Variants in LRP11 observed in about 807,000 individuals in gnomAD.
The protein encoded by LRP11 is low-density lipoprotein receptor-related protein 11.
In LRP11, 25 loss-of-function variants were observed where a neutral mutation model predicts 43.1. That is an observed-to-expected ratio of 0.58 (90% CI 0.42 to 0.81). The LOEUF (loss-of-function observed/expected upper bound fraction) is 0.81, where lower values mean the gene tolerates loss of function less well. LRP11 is among the 30% of genes least tolerant of loss of function. LRP11 has a pLI of 0.00. For synonymous variants in LRP11, 316 were observed against 299.4 expected (o/e 1.06, Z -0.57); for missense variants, 623 against 665.1 (o/e 0.94, Z 0.70).
intron 1 of LRP11, among the ~76,000 whole-genome samples, chr6:149,859,486 C>G (rs1231216641): frequency 1.4e-5 from 2 of 148,140 alleles, no homozygotes; most frequent in East Asian, 2.0e-4. Flanking sequence ...ACCTCCGACT[C>G]CAGGGTTTAA....
At position 149,863,783 on chromosome 6, in the gene LRP11, G is replaced by A; in HGVS notation, c.238C>T (p.Arg80Cys). The A allele has an allele frequency of 6.8e-7, 1 of 1,480,638 alleles. No individual in the cohort carries two copies. The highest frequency in any genetic ancestry group is 1.3e-5 in the South Asian group (1 of 78,780). 91.7% of individuals were successfully genotyped at this position (1,480,638 alleles called of 1,614,324 possible). ...TCCTCCTGGGGGCCGCCGCCCGCGC[G>A]CAGCTCCAGCTCCAGCTCCTCCTGA... ...RPQEELELEL[R>C]AGGGPQEDCP... Residue 80 changes from arginine (R) to cysteine (C), a missense_variant, in exon 1 of 7, where the codon CGC (arginine) becomes TGC (cysteine). Arg to Cys is a radical substitution (Grantham distance 180). Transcript: ENST00000239367.
chr6:149,848,099 C>T (rs1048443726), intron 2 of LRP11, among the ~76,000 whole-genome samples: 13 of 152,096 alleles, frequency 8.5e-5, no homozygotes, highest in East Asian at 3.9e-4. Context: ...TCAAACCTAA[C>T]GCCCAGTGTG....
intron 5 of LRP11, among the ~76,000 whole-genome samples, chr6:149,826,758 C>T (rs1010394764): frequency 2.0e-5 from 3 of 152,126 alleles, no homozygotes; most frequent in Admixed American, 6.5e-5. Flanking sequence ...CATGCTCTTT[C>T]TCTTTCTCAC....
At chr6:149,822,491 G>A (rs866422724) in intron 6 of LRP11, among the ~76,000 whole-genome samples, 2 of 120,582 alleles carry the variant, frequency 1.7e-5, no homozygotes, top group Non-Finnish European at 1.6e-5. Context: ...GGCAAAGTAA[G>A]ATCCTGTCTT....
intron 2 of LRP11, 138 bp from the exon 3 acceptor site, chr6:149,843,262 C>T (rs975154625): frequency 7.0e-6 from 6 of 858,894 alleles, no homozygotes; most frequent in Non-Finnish European, 1.1e-5. Flanking sequence ...TGCTGAACTA[C>T]ATCACACACT....
At position 149,820,600 on chromosome 6, in the gene LRP11, A is replaced by G. The variant is rs1189648707; in HGVS notation, c.1452T>C (p.Arg484=). 2.6e-6 allele frequency: 2 copies of G among 781,032 alleles called. No individual in the cohort carries two copies. Among genetic ancestry groups the G allele is most frequent in the South Asian group, 2.7e-5 (2 of 74,622 alleles). The allele number at this position is 781,032 out of a possible 1,614,324, so 48.4% of individuals were successfully genotyped here. Residue 484 remains arginine (R), a synonymous_variant, in exon 7 of 7, where the codon CGT becomes CGC. Transcript: ENST00000239367. ...AGTCCGATTCCTCAGATGTAATGGGACGAGCTTTTTTCAGTTTCTGTTTCA... is the reference window on the plus strand; with the variant it reads ...AGTCCGATTCCTCAGATGTAATGGGGCGAGCTTTTTTCAGTTTCTGTTTCA... The part of the protein sequence containing the change: ...RLVKQKLKKA[R]PITSEESDYL...
intron 1 of LRP11, among the ~76,000 whole-genome samples, chr6:149,854,961 A>G (rs983642406): frequency 6.6e-6 from 1 of 152,220 alleles, no homozygotes; most frequent in African/African-American, 2.4e-5. Flanking sequence ...TCTTCTGGAA[A>G]GCTAATCTGA....
At chr6:149,851,645 A>C (rs1041588043) in intron 2 of LRP11, among the ~76,000 whole-genome samples, 1 of 152,248 alleles carries the variant, frequency 6.6e-6, no homozygotes, top group Non-Finnish European at 1.5e-5. Context: ...CACAGTGATG[A>C]GTAATGTCAT....
rs9478148 is a variant in LRP11, at chr6:149,826,890, T to C, written c.1253-531A>G. Among the ~76,000 whole-genome samples, 896 of 152,128 alleles carry C rather than the reference T, an allele frequency of 5.9e-3. 7 individuals are homozygous for C. Among genetic ancestry groups the C allele is most frequent in the African/African-American group, 0.021 (853 of 41,482 alleles). ...GCTGGGATGCAAACTGGTTTCTTGG[T>C]AGAGACCAGTACTTCTAATTTAATG... On this transcript the variant is annotated intron_variant, in intron 5 of 6. Coordinates refer to ENST00000239367, the MANE Select transcript of LRP11 (RefSeq NM_032832.6).
rs756285774 is a variant in LRP11 at position 149,843,026 on chromosome 6, G to A, written c.870C>T (p.Asp290=). The change falls in exon 3 of 7, where the codon GAC becomes GAT. Residue 290 remains aspartate, a synonymous_variant. Coordinates refer to ENST00000239367, the MANE Select transcript of LRP11 (RefSeq NM_032832.6). ...VTDTAGQRSS[D]NVSVTVLRAA... is the part of the protein sequence containing the mutation. Reference sequence around the variant, plus strand: ...CGCGAAGCACTGTCACTGACACGTTGTCAGAGCTTCTCTGCCCGGCAGTGT... The same window carrying A: ...CGCGAAGCACTGTCACTGACACGTTATCAGAGCTTCTCTGCCCGGCAGTGT... 6.2e-7 allele frequency: 1 copy of A among 1,614,114 alleles called. No homozygotes were observed. Among genetic ancestry groups the A allele is most frequent in the African/African-American group, 1.3e-5 (1 of 74,924 alleles).
intron 6 of LRP11, among the ~76,000 whole-genome samples, chr6:149,825,954 C>A (rs952967309): frequency 2.0e-5 from 3 of 152,112 alleles, no homozygotes; most frequent in Non-Finnish European, 2.9e-5. Context: ...CAGCTTTGAG[C>A]AAGGATTTGA....
chr6:149,838,403 T>C (rs887792283), intron 3 of LRP11, among the ~76,000 whole-genome samples: 7 of 151,688 alleles, frequency 4.6e-5, no homozygotes, highest in Middle Eastern at 3.4e-3. Flanking sequence ...ATAATGACAT[T>C]GGCCAGGCGT....
At chr6:149,843,834 CATTT>C (rs1776588640) in intron 2 of LRP11, among the ~76,000 whole-genome samples, 1 of 152,190 alleles carries the variant, frequency 6.6e-6, no homozygotes, top group South Asian at 2.1e-4. Context: ...GCTCACTTCC[CATTT>C]AGTCTTCGCC....
rs563411028 is a variant in LRP11 at position 149,853,650 on chromosome 6, T to C, written c.614-490A>G. The stretch of plus-strand genomic sequence containing the variant: ...AACCGCCCGAGTAGCTGGGATTACA[T>C]GTGTGTGCCACCACATCCTGCTAAT... On this transcript the variant is annotated intron_variant, in intron 1 of 6. Transcript: ENST00000239367. Among the ~76,000 whole-genome samples the C allele has an allele frequency of 8.5e-5, 13 of 152,256 alleles. No individual in the cohort carries two copies. In the East Asian group the frequency reaches 2.3e-3, roughly 27 times the overall value.
intron 1 of LRP11, among the ~76,000 whole-genome samples, chr6:149,858,239 C>T (rs1583098001): frequency 6.6e-6 from 1 of 152,260 alleles, no homozygotes; most frequent in South Asian, 2.1e-4. Flanking sequence ...GTGATGTTCT[C>T]CTCCGTGTCC....
intron 1 of LRP11, among the ~76,000 whole-genome samples, chr6:149,855,593 C>T (rs1042811267): frequency 4.6e-5 from 7 of 152,044 alleles, no homozygotes; most frequent in Non-Finnish European, 7.4e-5. Context: ...GCAGCCGGAC[C>T]TTGATCATCC....
chr6:149,859,396 A>ATATATATATATATTT, intron 1 of LRP11, among the ~76,000 whole-genome samples: 1 of 71,514 alleles, frequency 1.4e-5, no homozygotes. Flanking sequence ...ATATATATAT[A>ATATATATATATATTT]TTTTTTTTTT....
At chr6:149,824,550 T>TG (rs1212346588) in intron 6 of LRP11, among the ~76,000 whole-genome samples, 1 of 152,190 alleles carries the variant, frequency 6.6e-6, no homozygotes, top group Non-Finnish European at 1.5e-5. Flanking sequence ...TTCATATGAA[T>TG]GGGGGTGACA....
At chr6:149,821,855 TA>T (rs1776281954) in intron 6 of LRP11, among the ~76,000 whole-genome samples, 1 of 152,226 alleles carries the variant, frequency 6.6e-6, no homozygotes, top group African/African-American at 2.4e-5. Flanking sequence ...CTGCATTCAT[TA>T]AAAGCCTTCT....
Sources: allele counts gnomAD v4.1 joint callset (sites outside exome capture counted in the v4.1 genomes callset), GRCh38; gene constraint gnomAD v4.1.1; transcripts MANE v1.5; gene names NCBI Gene and HGNC (gene_info 2026-07-23, HGNC 2026-07-21).